The following PTDSS1 variants were observed in gnomAD, a reference collection of about 807,000 sequenced individuals.
PTDSS1 encodes the protein phosphatidylserine synthase 1.
A neutral mutation model predicts 70.5 loss-of-function variants in PTDSS1; 45 were observed. The ratio of observed to expected loss-of-function variants is 0.64; its 90% CI spans 0.50 to 0.82. PTDSS1 has a LOEUF of 0.82. PTDSS1 is among the 40% of genes least tolerant of loss of function. The pLI, the probability that PTDSS1 is intolerant of heterozygous loss-of-function variation, is 0.00. For synonymous variants in PTDSS1, 188 were observed against 203.8 expected (o/e 0.92, Z 0.66); for missense variants, 417 against 586.1 (o/e 0.71, Z 2.98).
intron 3 of PTDSS1, among the ~76,000 whole-genome samples, chr8:96,284,464 T>G (rs1387924723): frequency 6.6e-6 from 1 of 152,208 alleles, no homozygotes; most frequent in East Asian, 1.9e-4. Flanking sequence ...TTCATAGTGC[T>G]TTTTACTAGT....
chr8:96,299,887 G>T, intron 6 of PTDSS1, 42 bp downstream of exon 6: 4 of 1,572,406 alleles, frequency 2.5e-6, no homozygotes, highest in Admixed American at 2.0e-5. Context: ...AGTTTTTCAT[G>T]ATATATATTT....
intron 4 of PTDSS1, among the ~76,000 whole-genome samples, chr8:96,292,983 A>G (rs1810928088): frequency 1.3e-5 from 2 of 152,152 alleles, no homozygotes; most frequent in African/African-American, 2.4e-5. Flanking sequence ...AGGAGTGAAG[A>G]GATAGTTGGG....
chr8:96,320,328 C>CT lies in PTDSS1; in HGVS notation c.1159dup (p.Trp387LeufsTer34). On this transcript the variant is annotated frameshift_variant, in exon 10 of 13. Transcript: ENST00000517309. LOFTEE classifies it high-confidence loss of function. ...TAAGACCCAAATACTCTATGTTGTG[C>CT]TTTGGCTTCTTTGCGTGGTAAGTCA... The CT allele has an allele frequency of 6.2e-7, 1 of 1,609,416 alleles. No individual in the cohort carries two copies. Among genetic ancestry groups the CT allele is most frequent in the Non-Finnish European group, 8.5e-7 (1 of 1,175,728 alleles).
At chr8:96,278,745 C>T (rs1057017730) in intron 2 of PTDSS1, among the ~76,000 whole-genome samples, 1 of 152,136 alleles carries the variant, frequency 6.6e-6, no homozygotes, top group Non-Finnish European at 1.5e-5. Context: ...TTCTGGTGTA[C>T]ATTTCCTGCT....
At chr8:96,286,380 G>C (rs1051793470) in intron 3 of PTDSS1, among the ~76,000 whole-genome samples, 1 of 152,166 alleles carries the variant, frequency 6.6e-6, no homozygotes, top group Non-Finnish European at 1.5e-5. Context: ...GCAATTATGA[G>C]ATGATAGAAC....
intron 12 of PTDSS1, among the ~76,000 whole-genome samples, chr8:96,332,104 TTTA>T (rs1811526112): frequency 6.6e-6 from 1 of 151,840 alleles, no homozygotes; most frequent in Admixed American, 6.6e-5. Context: ...TTTAATGGCA[TTTA>T]TTCAAGAGGC....
intron 6 of PTDSS1, among the ~76,000 whole-genome samples, chr8:96,300,674 A>G (rs1811037789): frequency 6.6e-6 from 1 of 152,250 alleles, no homozygotes; most frequent in African/African-American, 2.4e-5. Context: ...ATATAACAAA[A>G]TAGCATTTTC....
At chr8:96,313,850 TTC>T (rs2130136953) in intron 9 of PTDSS1, among the ~76,000 whole-genome samples, 1 of 152,362 alleles carries the variant, frequency 6.6e-6, no homozygotes, top group South Asian at 2.1e-4. Flanking sequence ...TTCTTGGATC[TTC>T]TGCACATTAT....
chr8:96,330,046 T>A (rs1355501929), intron 10 of PTDSS1, among the ~76,000 whole-genome samples, 167 bp from the exon 11 acceptor site: 2 of 152,130 alleles, frequency 1.3e-5, no homozygotes, highest in East Asian at 3.9e-4. Context: ...AAGCTTTGGG[T>A]GTGCACCCTC....
rs4734340 is a variant in PTDSS1 at position 96,335,397 on chromosome 8, G to A, written c.*1831G>A. 56,186 of 152,092 alleles carry A rather than the reference G, an allele frequency of 0.37. 12,194 individuals are homozygous for A. Among genetic ancestry groups the A allele is most frequent in the East Asian group, 0.6 (3,090 of 5,176 alleles). The allele number at this position is 152,092 out of a possible 1,614,324, so 9.4% of individuals were successfully genotyped here. On this transcript the variant is annotated 3_prime_UTR_variant, in exon 13 of 13. Transcript: ENST00000517309. Reference sequence around the variant, plus strand: ...ACACCTGTCTCTTCTTTCTCACACCGGTGGTGCCTCACTGAGTGTTTCCGG... The same window carrying A: ...ACACCTGTCTCTTCTTTCTCACACCAGTGGTGCCTCACTGAGTGTTTCCGG...
At chr8:96,319,602 T>G (rs1811346482) in intron 9 of PTDSS1, among the ~76,000 whole-genome samples, 1 of 152,178 alleles carries the variant, frequency 6.6e-6, no homozygotes, top group Non-Finnish European at 1.5e-5. Flanking sequence ...TGGAAATTCT[T>G]AGAAGGCTGG....
chr8:96,335,853 T>A lies in PTDSS1; in HGVS notation c.*2287T>A, dbSNP rs181930648. ...CACATTGATGGAAATAGAATGCGTG[T>A]TTCAGAATCATCATTCAATATCTGA... On this transcript the variant is annotated 3_prime_UTR_variant, in exon 13 of 13. Coordinates refer to ENST00000517309, the MANE Select transcript of PTDSS1 (RefSeq NM_014754.3). The A allele has an allele frequency of 2.0e-5, 3 of 152,328 alleles. No individual in the cohort carries two copies. In the East Asian group the frequency reaches 5.8e-4, roughly 29 times the overall value. 9.4% of individuals were successfully genotyped at this position (152,328 alleles called of 1,614,324 possible).
At position 96,287,217 on chromosome 8, in the gene PTDSS1, G is replaced by T. The variant is rs146676011; in HGVS notation, c.441+71G>T. The stretch of plus-strand genomic sequence containing the variant: ...CTTGGGTGTAAGAGGTAATAGACTT[G>T]ACATTTTAAATTGTTCCTTCTCTGT... On this transcript the variant is annotated intron_variant, in intron 4 of 12. Transcript: ENST00000517309. 2.5e-4 allele frequency: 389 copies of T among 1,547,978 alleles called. No individual in the cohort carries two copies. The African/African-American group carries it at 4.7e-3, about 19-fold the overall frequency.
At position 96,295,192 on chromosome 8, in the gene PTDSS1, A is replaced by C. The variant is rs368150019; in HGVS notation, c.536A>C (p.Lys179Thr). The part of the protein sequence containing the change: ...AFGHFWGWAM[K>T]ALLIRSYGLC... ...GGACATTTCTGGGGCTGGGCCATGA[A>C]GGCCTTGCTGATCCGTAGTTACGGT... Residue 179 changes from lysine (K) to threonine (T), a missense_variant, in exon 5 of 13, where the codon AAG becomes ACG. Lys to Thr is a moderately conservative substitution (Grantham distance 78, BLOSUM62 -1). Around this residue, in one of 3 missense-constraint regions of PTDSS1, gnomAD observed 272 missense variants for 429.5 expected, o/e 0.63. Coordinates refer to ENST00000517309, the MANE Select transcript of PTDSS1 (RefSeq NM_014754.3). The C allele has an allele frequency of 7.4e-6, 12 of 1,614,072 alleles. No individual in the cohort carries two copies. In the Admixed American group the frequency reaches 1.5e-4, roughly 20 times the overall value.
chr8:96,262,039 C>T lies in PTDSS1; in HGVS notation c.-2C>T. 6.2e-7 allele frequency: 1 copy of T among 1,611,048 alleles called. No homozygotes were observed. Among genetic ancestry groups the T allele is most frequent in the African/African-American group, 1.3e-5 (1 of 74,954 alleles). On this transcript the variant is annotated 5_prime_UTR_variant, in exon 1 of 13. Coordinates refer to ENST00000517309, the MANE Select transcript of PTDSS1 (RefSeq NM_014754.3). This position sits in a 1 kb window ranked among gnomAD's most constrained non-coding sequence, Gnocchi z 4.4. Reference sequence around the variant, plus strand: ...CACCGCGGCAGGACGGGGAGGCGGGCCATGGCGTCCTGCGTGGGGAGCCGG... The same window carrying T: ...CACCGCGGCAGGACGGGGAGGCGGGTCATGGCGTCCTGCGTGGGGAGCCGG...
rs1208717371 is a variant in PTDSS1, at chr8:96,295,202, G to A, written c.546G>A (p.Leu182=). Residue 182 remains leucine, a synonymous_variant, in exon 5 of 13, where the codon CTG becomes CTA. Transcript: ENST00000517309. The part of the protein sequence containing the change: ...HFWGWAMKAL[L]IRSYGLCWTI... The stretch of plus-strand genomic sequence containing the variant: ...GGGGCTGGGCCATGAAGGCCTTGCT[G>A]ATCCGTAGTTACGGTCTCTGCTGGA... 1 of 1,614,178 alleles carries A rather than the reference G, an allele frequency of 6.2e-7. No homozygotes were observed. The highest frequency in any genetic ancestry group is 1.3e-5 in the African/African-American group (1 of 75,042).
rs548449877 is a variant in PTDSS1, at chr8:96,271,875, G to T, written c.180-1424G>T. Among the ~76,000 whole-genome samples the T allele has an allele frequency of 2.7e-5, 4 of 150,672 alleles. No homozygotes were observed. In the South Asian group the frequency reaches 8.4e-4, roughly 32 times the overall value. Reference sequence around the variant, plus strand: ...CCTTTGCCCGTTTTTCAATAAGGTAGACTTTTAAAACGGTCACTATTTTTA... The same window carrying T: ...CCTTTGCCCGTTTTTCAATAAGGTATACTTTTAAAACGGTCACTATTTTTA... On this transcript the variant is annotated intron_variant, in intron 1 of 12. Coordinates refer to ENST00000517309, the MANE Select transcript of PTDSS1 (RefSeq NM_014754.3).
At position 96,276,976 on chromosome 8, in the gene PTDSS1, G is replaced by GCACACACACACACACA. The variant is rs1278729372; in HGVS notation, c.271+3587_271+3588insACACACACACACACAC. Among the ~76,000 whole-genome samples the GCACACACACACACACA allele has an allele frequency of 5.0e-4, 54 of 107,604 alleles. 1 individual carries two copies. The highest frequency in any genetic ancestry group is 1.5e-3 in the African/African-American group (49 of 33,426). 70.6% of individuals were successfully genotyped at this position (107,604 alleles called of 152,430 possible). A position where few individuals can be genotyped will look rare whatever the true frequency, so the allele number is the denominator to read the frequency against. ...CCCGGGCACATACACGCGCGCACGC[G>GCACACACACACACACA]CGCGCACACACACACACACACACAC... is the stretch of plus-strand genomic sequence containing the variant. On this transcript the variant is annotated intron_variant, in intron 2 of 12. Transcript: ENST00000517309.
rs764296287 is a variant in PTDSS1 at position 96,331,113 on chromosome 8, G to A, written c.1312+18G>A. 235 of 1,454,648 alleles carry A rather than the reference G, an allele frequency of 1.6e-4. No homozygotes were observed. The highest frequency in any genetic ancestry group is 2.0e-4 in the Non-Finnish European group (212 of 1,038,606). 90.1% of individuals were successfully genotyped at this position (1,454,648 alleles called of 1,614,324 possible). On this transcript the variant is annotated intron_variant, in intron 12 of 12. Transcript: ENST00000517309. ...GACAAAAGGTATCTTGTTCTTGTTC[G>A]TTGTTTAAAATTTTACTGGGTCCTT...
Sources: gnomAD v4.1 joint callset for allele counts (sites outside exome capture counted in the v4.1 genomes callset) on GRCh38, gnomAD v4.1.1 for gene constraint, gnomAD v4.1.1 regional missense constraint, Gnocchi (gnomAD v3.1) non-coding constraint, MANE v1.5 for transcripts, NCBI Gene and HGNC (gene_info 2026-07-23, HGNC 2026-07-21) for gene names.